Variants in UGGT2 observed in about 807,000 individuals in gnomAD.
UGGT2 encodes UDP-glucose glycoprotein glucosyltransferase 2.
UGGT2 carries 180 observed loss-of-function variants against 192.1 expected under a neutral mutation model. The observed-to-expected ratio is 0.94, with a 90% CI of 0.83 to 1.06. The LOEUF (loss-of-function observed/expected upper bound fraction) is 1.06. Ranked by LOEUF, UGGT2 falls within the 50% of genes least tolerant of loss-of-function variation. UGGT2 has a pLI of 0.00. For missense variants in UGGT2, 1,849 were observed against 1,795.7 expected, an observed-to-expected ratio of 1.03 and a Z score of -0.54; for synonymous variants, 580 against 591.0, an observed-to-expected ratio of 0.98 and a Z score of 0.27.
intron 1 of UGGT2, among the ~76,000 whole-genome samples, chr13:96,042,967 C>T (rs1319025769): frequency 1.3e-5 from 2 of 152,086 alleles, no homozygotes; most frequent in African/African-American, 2.4e-5. Context: ...AAAACTTCCC[C>T]ACCCTTTCTA....
intron 1 of UGGT2, among the ~76,000 whole-genome samples, chr13:96,042,869 A>G (rs980706703): frequency 6.6e-6 from 1 of 152,060 alleles, no homozygotes; most frequent in Non-Finnish European, 1.5e-5. Flanking sequence ...GGATTATGTT[A>G]AATGACCAAA....
intron 4 of UGGT2, among the ~76,000 whole-genome samples, chr13:96,013,873 A>G (rs1024661132): frequency 5.9e-5 from 9 of 152,152 alleles, no homozygotes; most frequent in Non-Finnish European, 8.8e-5. Flanking sequence ...CCTTATTCAA[A>G]GACTATCAGT....
intron 20 of UGGT2, among the ~76,000 whole-genome samples, chr13:95,911,613 A>T (rs1317083150): frequency 6.6e-6 from 1 of 152,234 alleles, no homozygotes; most frequent in Non-Finnish European, 1.5e-5. Flanking sequence ...AACTAAAAAA[A>T]GTCCAGGACC....
At chr13:95,892,668 A>G (rs539932004) in intron 24 of UGGT2, among the ~76,000 whole-genome samples, 2 of 152,330 alleles carry the variant, frequency 1.3e-5, no homozygotes, top group South Asian at 4.1e-4. Flanking sequence ...ATCTATTTTA[A>G]GAATATTGAA....
At chr13:95,832,544 A>G (rs975595009) in intron 38 of UGGT2, among the ~76,000 whole-genome samples, 1 of 152,246 alleles carries the variant, frequency 6.6e-6, no homozygotes, top group Non-Finnish European at 1.5e-5. Flanking sequence ...ATAGGAAATG[A>G]TATTTTTAGT....
chr13:95,946,683 T>C (rs1413212132), intron 15 of UGGT2, among the ~76,000 whole-genome samples: 2 of 152,202 alleles, frequency 1.3e-5, no homozygotes, highest in Non-Finnish European at 2.9e-5. Flanking sequence ...CAATGATCTC[T>C]TTAATCAAAG....
chr13:95,983,103 C>A (rs1368006067), intron 10 of UGGT2, among the ~76,000 whole-genome samples: 1 of 152,162 alleles, frequency 6.6e-6, no homozygotes, highest in Non-Finnish European at 1.5e-5. Context: ...CCTAAGGTGG[C>A]CACATGGCAA....
At chr13:96,037,876 T>C (rs1278109094) in intron 1 of UGGT2, among the ~76,000 whole-genome samples, 1 of 152,202 alleles carries the variant, frequency 6.6e-6, no homozygotes, top group African/African-American at 2.4e-5. Context: ...CTATATAAAA[T>C]AAATTTTTTG....
intron 20 of UGGT2, among the ~76,000 whole-genome samples, chr13:95,922,003 T>C (rs1439936719): frequency 1.3e-5 from 2 of 152,166 alleles, no homozygotes; most frequent in African/African-American, 4.8e-5. Context: ...CTATTCACAA[T>C]GGCAAAGACA....
intron 13 of UGGT2, 71 bp from the exon 14 acceptor site, chr13:95,948,152 T>C: frequency 3.2e-6 from 4 of 1,260,880 alleles, no homozygotes; most frequent in Non-Finnish European, 4.5e-6. Flanking sequence ...TTTAGACTAA[T>C]TTTTGTGACT....
intron 20 of UGGT2, among the ~76,000 whole-genome samples, chr13:95,913,750 G>T (rs1376754057): frequency 2.6e-5 from 4 of 152,094 alleles, no homozygotes; most frequent in Non-Finnish European, 5.9e-5. Flanking sequence ...ATACCCAAAG[G>T]ATTATAAATC....
At chr13:95,815,782 C>T (rs1413942979) in intron 38 of UGGT2, among the ~76,000 whole-genome samples, 3 of 152,130 alleles carry the variant, frequency 2.0e-5, no homozygotes, top group Non-Finnish European at 2.9e-5. Flanking sequence ...ATAAGCACAA[C>T]GATATGGTTT....
rs556286199 is a variant in UGGT2, at chr13:95,993,556, T to A, written c.830+2507A>T. Among the ~76,000 whole-genome samples the A allele has an allele frequency of 3.3e-5, 5 of 152,330 alleles. No individual in the cohort carries two copies. In the East Asian group the frequency reaches 9.6e-4, roughly 29 times the overall value. ...CTGAAAATGGGATAAAAATGTATTG[T>A]TAGCTGCTAAATAAATACCTTACTT... On this transcript the variant is annotated intron_variant, in intron 7 of 38. Transcript: ENST00000376747.
At chr13:96,049,082 A>G (rs548869669) in intron 1 of UGGT2, among the ~76,000 whole-genome samples, 3 of 152,376 alleles carry the variant, frequency 2.0e-5, no homozygotes, top group African/African-American at 7.2e-5. Flanking sequence ...AAAAACCTCA[A>G]TAAAATACTG....
chr13:96,031,418 C>T (rs914494684), intron 2 of UGGT2, among the ~76,000 whole-genome samples: 3 of 152,172 alleles, frequency 2.0e-5, no homozygotes, highest in Non-Finnish European at 2.9e-5. Flanking sequence ...GATCCTCCAC[C>T]TCAGTCTCAC....
At chr13:96,049,815 C>CA (rs2139240610) in intron 1 of UGGT2, among the ~76,000 whole-genome samples, 2 of 152,000 alleles carry the variant, frequency 1.3e-5, no homozygotes, top group Middle Eastern at 3.4e-3. Flanking sequence ...AACCACTGCT[C>CA]AAAAAAATAA....
At chr13:95,865,607 T>C (rs1262216092) in intron 30 of UGGT2, among the ~76,000 whole-genome samples, 1 of 152,142 alleles carries the variant, frequency 6.6e-6, no homozygotes, top group Non-Finnish European at 1.5e-5. Flanking sequence ...GAGGCTGCAG[T>C]GAGCCAAGAT....
chr13:95,931,040 T>A (rs989456472), intron 17 of UGGT2, among the ~76,000 whole-genome samples: 2 of 152,174 alleles, frequency 1.3e-5, no homozygotes, highest in Non-Finnish European at 2.9e-5. Flanking sequence ...TTTATTCCCT[T>A]ATCTGGCCCC....
chr13:95,835,530 C>T (rs1421548639), intron 37 of UGGT2, among the ~76,000 whole-genome samples: 1 of 152,194 alleles, frequency 6.6e-6, no homozygotes, highest in African/African-American at 2.4e-5. Context: ...ATTCTACCAA[C>T]TATGATTACA....
Sources: allele counts gnomAD v4.1 joint callset (sites outside exome capture counted in the v4.1 genomes callset), GRCh38; gene constraint gnomAD v4.1.1; transcripts MANE v1.5; gene names NCBI Gene and HGNC (gene_info 2026-07-23, HGNC 2026-07-21).